The following KCNN2 variants were observed in gnomAD, a reference collection of about 807,000 sequenced individuals.
KCNN2 encodes the protein potassium calcium-activated channel subfamily N member 2, also known as small conductance calcium-activated potassium channel protein 2.
In KCNN2, 24 loss-of-function variants were observed where a neutral mutation model predicts 55.5. The observed-to-expected ratio is 0.43, with a 90% CI of 0.31 to 0.61. The LOEUF is 0.61. KCNN2 is among the 20% of genes least tolerant of loss of function. The pLI is 0.08. For missense variants in KCNN2, 754 were observed against 853.6 expected (o/e 0.88, Z 1.45); for synonymous variants, 431 against 336.1 (o/e 1.28, Z -3.09).
chr5:114,126,504 A>T (rs1321375168), intron 1 of KCNN2, among the ~76,000 whole-genome samples: 1 of 152,096 alleles, frequency 6.6e-6, no homozygotes, highest in Non-Finnish European at 1.5e-5. Flanking sequence ...TGAGAACAGG[A>T]TGTAGGAATC....
intron 1 of KCNN2, among the ~76,000 whole-genome samples, chr5:114,189,461 C>T (rs975122316): frequency 1.3e-5 from 2 of 152,100 alleles, no homozygotes; most frequent in Admixed American, 6.6e-5. Context: ...ATCTGCTTAC[C>T]AATTAAATGT....
chr5:114,422,786 G>A (rs770590937), intron 3 of KCNN2, among the ~76,000 whole-genome samples: 9 of 152,102 alleles, frequency 5.9e-5, no homozygotes, highest in Admixed American at 1.3e-4. Flanking sequence ...GCAGACCATC[G>A]TCAGAGACTC....
intron 2 of KCNN2, among the ~76,000 whole-genome samples, chr5:114,285,737 CTGCTACT>C (rs1205084256): frequency 2.6e-5 from 4 of 152,142 alleles, no homozygotes; most frequent in Non-Finnish European, 5.9e-5. Context: ...ATGCTTTAAA[CTGCTACT>C]GTAGAGTTGA....
chr5:114,476,102 A>G (rs1437350754), intron 5 of KCNN2, among the ~76,000 whole-genome samples: 4 of 151,640 alleles, frequency 2.6e-5, no homozygotes, highest in African/African-American at 9.7e-5. Context: ...TTAGTTACAT[A>G]TGTATACATG....
intron 3 of KCNN2, among the ~76,000 whole-genome samples, chr5:114,429,345 T>A (rs974711273): frequency 6.6e-6 from 1 of 152,276 alleles, no homozygotes; most frequent in East Asian, 1.9e-4. Flanking sequence ...TTGGCTTTTC[T>A]AGTATGTATG....
At chr5:114,379,360 AT>A (rs1758033029) in intron 2 of KCNN2, among the ~76,000 whole-genome samples, 1 of 151,258 alleles carries the variant, frequency 6.6e-6, no homozygotes, top group Non-Finnish European at 1.5e-5. Flanking sequence ...TTCCAAACTT[AT>A]TGACTCTTCC....
intron 2 of KCNN2, among the ~76,000 whole-genome samples, chr5:114,315,986 G>T (rs760098905): frequency 6.6e-6 from 1 of 152,084 alleles, no homozygotes; most frequent in African/African-American, 2.4e-5. Flanking sequence ...AAACCATTTG[G>T]TCTGGGCCTT....
At chr5:114,366,782 C>T (rs747251114) in intron 2 of KCNN2, among the ~76,000 whole-genome samples, 7 of 152,226 alleles carry the variant, frequency 4.6e-5, no homozygotes, top group African/African-American at 7.2e-5. Flanking sequence ...CTAATGAGCA[C>T]TTCTCAGCTC....
At chr5:114,384,202 T>C (rs890231694) in intron 2 of KCNN2, among the ~76,000 whole-genome samples, 1 of 152,246 alleles carries the variant, frequency 6.6e-6, no homozygotes, top group South Asian at 2.1e-4. Context: ...TAAAAACTTA[T>C]GATATTCAAA....
Position 114,438,152 on chromosome 5 carries a change from G to T in KCNN2, c.1638-24897G>T, listed in dbSNP as rs190737370. Among the ~76,000 whole-genome samples, 11 of 152,250 alleles carry T rather than the reference G, an allele frequency of 7.2e-5. No individual in the cohort carries two copies. In the East Asian group the frequency reaches 1.9e-3, roughly 27 times the overall value. ...CAATCTGCCACATTTGAGTGTTGTG[G>T]TCTGGGTGTGACATTTCTGAGCGTA... is the stretch of plus-strand genomic sequence containing the variant. On this transcript the variant is annotated intron_variant, in intron 3 of 7. Transcript: ENST00000673685.
chr5:114,249,478 G>A (rs553039218), intron 2 of KCNN2, among the ~76,000 whole-genome samples: 5 of 151,590 alleles, frequency 3.3e-5, no homozygotes, highest in Admixed American at 2.0e-4. Flanking sequence ...CTAGAGATGA[G>A]GTTTCACCAT....
At chr5:114,099,502 G>A (rs1414327674) in intron 1 of KCNN2, among the ~76,000 whole-genome samples, 1 of 152,092 alleles carries the variant, frequency 6.6e-6, no homozygotes, top group African/African-American at 2.4e-5. Context: ...ATCTCACTCT[G>A]TTGCCCAGGG....
chr5:114,433,347 A>G lies in KCNN2; in HGVS notation c.1637+28491A>G, dbSNP rs190579762. On this transcript the variant is annotated intron_variant, in intron 3 of 7. Coordinates refer to ENST00000673685, the MANE Select transcript of KCNN2 (RefSeq NM_021614.4). Reference sequence around the variant, plus strand: ...GAGAACCTTTGTGTGGACACTCTGTATCTGTCTAATCTGGTGGGGACGTGG... The same window carrying G: ...GAGAACCTTTGTGTGGACACTCTGTGTCTGTCTAATCTGGTGGGGACGTGG... Among the ~76,000 whole-genome samples the G allele has an allele frequency of 9.9e-5, 15 of 152,256 alleles. No homozygotes were observed. The East Asian group carries it at 2.9e-3, about 29-fold the overall frequency.
intron 1 of KCNN2, 127 bp from the exon 2 acceptor site, chr5:114,363,778 AC>A: frequency 1.5e-6 from 1 of 659,424 alleles, no homozygotes; most frequent in Non-Finnish European, 2.7e-6. Flanking sequence ...AGACAGGTGC[AC>A]CCCTCTCCCC....
chr5:114,334,088 T>C (rs908424502), intron 2 of KCNN2, among the ~76,000 whole-genome samples: 1 of 152,214 alleles, frequency 6.6e-6, no homozygotes, highest in Non-Finnish European at 1.5e-5. Flanking sequence ...GCACTTATTA[T>C]TTCACACCTT....
chr5:114,096,348 T>C (rs1751255264), intron 1 of KCNN2, among the ~76,000 whole-genome samples: 1 of 152,298 alleles, frequency 6.6e-6, no homozygotes, highest in South Asian at 2.1e-4. Context: ...AACTATACAC[T>C]AACTTTGACC....
At position 114,362,557 on chromosome 5, in the gene KCNN2, C is replaced by A; in HGVS notation, c.418C>A (p.Arg140=). ...GCCGTCCAGCCATGCCAGTGCGCTC[C>A]GGCAGCAGTACGCGCAGCAGTCCGC... ...LTPSSHASAL[R]QQYAQQSAQQ... is the part of the protein sequence containing the mutation. The change falls in exon 1 of 8, where the codon CGG becomes AGG. Residue 140 remains arginine, a synonymous_variant. Coordinates refer to ENST00000673685, the MANE Select transcript of KCNN2 (RefSeq NM_021614.4). The A allele has an allele frequency of 1.6e-6, 1 of 614,474 alleles. No individual in the cohort carries two copies. Among genetic ancestry groups the A allele is most frequent in the South Asian group, 2.3e-5 (1 of 43,136 alleles). The allele number at this position is 614,474 out of a possible 1,614,324, so 38.1% of individuals were successfully genotyped here.
At chr5:114,148,077 A>G (rs1363579481) in intron 1 of KCNN2, among the ~76,000 whole-genome samples, 3 of 152,228 alleles carry the variant, frequency 2.0e-5, no homozygotes, top group Non-Finnish European at 4.4e-5. Context: ...AGGACTGTTA[A>G]TCATTCCTTG....
At chr5:114,449,879 T>TACACACACACACACACACACACAC (rs745574908) in intron 3 of KCNN2, among the ~76,000 whole-genome samples, 7 of 93,450 alleles carry the variant, frequency 7.5e-5, no homozygotes, top group African/African-American at 2.0e-4. Context: ...CATCCAAACA[T>TACACACACACACACACACACACAC]ACACACACAC....
Sources: gnomAD v4.1 joint callset for allele counts (sites outside exome capture counted in the v4.1 genomes callset) on GRCh38, gnomAD v4.1.1 for gene constraint, MANE v1.5 for transcripts, NCBI Gene and HGNC (gene_info 2026-07-23, HGNC 2026-07-21) for gene names.